The following ADAMTSL1 variants were observed in gnomAD, a reference collection of about 807,000 sequenced individuals.
The protein encoded by ADAMTSL1 is ADAMTS like 1.
In ADAMTSL1, 126 loss-of-function variants were observed where a neutral mutation model predicts 201.8. That is an observed-to-expected ratio of 0.62 (90% CI 0.54 to 0.72). The LOEUF (loss-of-function observed/expected upper bound fraction) is 0.72, where lower values mean the gene tolerates loss of function less well. Among genes scored for constraint, ADAMTSL1 ranks in the 30% least tolerant of loss-of-function variants. The pLI is 0.00. For missense variants in ADAMTSL1, 2,679 were observed against 2,277.8 expected (o/e 1.18, Z -3.59); for synonymous variants, 1,121 against 903.4 (o/e 1.24, Z -4.32).
chr9:18,007,542 A>G (rs1025526524), intron 1 of ADAMTSL1, among the ~76,000 whole-genome samples: 3 of 151,972 alleles, frequency 2.0e-5, no homozygotes, highest in Non-Finnish European at 4.4e-5. Context: ...TATCCAGTAT[A>G]ATTTGCCGCT....
intron 1 of ADAMTSL1, among the ~76,000 whole-genome samples, chr9:18,039,553 A>C (rs906633446): frequency 5.3e-5 from 8 of 152,184 alleles, no homozygotes; most frequent in Non-Finnish European, 1.2e-4. Context: ...CTACGGAACA[A>C]ACATTTTTCA....
At chr9:18,254,404 C>T (rs536543134) in intron 2 of ADAMTSL1, among the ~76,000 whole-genome samples, 196 of 122,346 alleles carry the variant, frequency 1.6e-3, no homozygotes, top group Non-Finnish European at 2.3e-3. Context: ...GCTCTGTCCC[C>T]CAGGCTGGAG....
At chr9:17,967,577 T>A (rs1438519639) in intron 1 of ADAMTSL1, among the ~76,000 whole-genome samples, 1 of 152,040 alleles carries the variant, frequency 6.6e-6, no homozygotes, top group African/African-American at 2.4e-5. Context: ...AAAAAGAGGC[T>A]TAGGAAGATT....
At chr9:17,915,650 G>A (rs891582047) in intron 1 of ADAMTSL1, among the ~76,000 whole-genome samples, 1 of 152,140 alleles carries the variant, frequency 6.6e-6, no homozygotes, top group African/African-American at 2.4e-5. Flanking sequence ...TTTTCAAAAG[G>A]TTGTACCCTT....
chr9:18,117,652 T>G (rs1825313135), intron 1 of ADAMTSL1, among the ~76,000 whole-genome samples: 1 of 152,152 alleles, frequency 6.6e-6, no homozygotes, highest in Admixed American at 6.5e-5. Context: ...ACTTAATTAT[T>G]TATTACATTT....
intron 2 of ADAMTSL1, among the ~76,000 whole-genome samples, chr9:18,452,060 A>G (rs918730947): frequency 6.6e-6 from 1 of 152,064 alleles, no homozygotes; most frequent in Non-Finnish European, 1.5e-5. Context: ...ATTACAGGCA[A>G]GTGCCACCAC....
intron 2 of ADAMTSL1, among the ~76,000 whole-genome samples, chr9:18,308,015 A>C (rs1411733927): frequency 1.3e-5 from 2 of 152,182 alleles, no homozygotes; most frequent in Non-Finnish European, 2.9e-5. Context: ...AGTGTAATCA[A>C]ACTAGAACTC....
chr9:18,431,637 T>C (rs1233208364), intron 2 of ADAMTSL1, among the ~76,000 whole-genome samples: 1 of 152,164 alleles, frequency 6.6e-6, no homozygotes, highest in Non-Finnish European at 1.5e-5. Flanking sequence ...CAGCCTCTGC[T>C]TGAACATTTC....
chr9:18,547,834 C>A (rs1273071902), intron 3 of ADAMTSL1, among the ~76,000 whole-genome samples: 1 of 151,746 alleles, frequency 6.6e-6, no homozygotes, highest in African/African-American at 2.4e-5. Flanking sequence ...AGTACAGTAT[C>A]TGATTCTGGA....
chr9:18,423,667 A>G (rs771093292), intron 2 of ADAMTSL1, among the ~76,000 whole-genome samples: 16 of 152,206 alleles, frequency 1.1e-4, no homozygotes, highest in Non-Finnish European at 1.9e-4. Context: ...TGTGAGAAGT[A>G]TAGGAGCACG....
intron 2 of ADAMTSL1, among the ~76,000 whole-genome samples, chr9:18,299,108 A>G (rs1034963608): frequency 2.6e-5 from 4 of 152,142 alleles, no homozygotes; most frequent in South Asian, 2.1e-4. Flanking sequence ...GCTGTGTGAC[A>G]TAAGTACCGT....
At chr9:18,304,136 C>T (rs1297683705) in intron 2 of ADAMTSL1, among the ~76,000 whole-genome samples, 3 of 152,118 alleles carry the variant, frequency 2.0e-5, no homozygotes, top group Non-Finnish European at 4.4e-5. Context: ...TGTTATAAAA[C>T]AGTGGCTTTC....
At chr9:18,080,005 G>A (rs898040649) in intron 1 of ADAMTSL1, among the ~76,000 whole-genome samples, 5 of 152,160 alleles carry the variant, frequency 3.3e-5, no homozygotes, top group Non-Finnish European at 5.9e-5. Flanking sequence ...GAACAAAGAG[G>A]AAATGGTGGT....
chr9:18,240,882 C>T (rs1028612056), intron 2 of ADAMTSL1, among the ~76,000 whole-genome samples: 2 of 152,170 alleles, frequency 1.3e-5, no homozygotes, highest in African/African-American at 4.8e-5. Flanking sequence ...CCTTAAACCT[C>T]ATGAACCAAC....
chr9:18,516,654 G>T (rs1818380540), intron 2 of ADAMTSL1, among the ~76,000 whole-genome samples: 1 of 152,132 alleles, frequency 6.6e-6, no homozygotes, highest in African/African-American at 2.4e-5. Flanking sequence ...GTATGACATT[G>T]GACTAGATTT....
chr9:18,566,228 G>T (rs76962160), intron 3 of ADAMTSL1, among the ~76,000 whole-genome samples: 1,888 of 152,230 alleles, frequency 0.012, 16 homozygotes, highest in Non-Finnish European at 0.022. Flanking sequence ...TATGAAAGCA[G>T]CACTGGAGTT....
At chr9:18,466,269 G>A (rs919024996) in intron 2 of ADAMTSL1, among the ~76,000 whole-genome samples, 12 of 152,082 alleles carry the variant, frequency 7.9e-5, no homozygotes, top group South Asian at 4.1e-4. Flanking sequence ...TCAGTTGCAC[G>A]TCATATTTTT....
chr9:18,544,101 G>A (rs1820331880), intron 3 of ADAMTSL1, among the ~76,000 whole-genome samples: 2 of 152,118 alleles, frequency 1.3e-5, no homozygotes, highest in African/African-American at 4.8e-5. Context: ...ACTTCTCGTA[G>A]CCTCAGTTTC....
chr9:18,257,612 A>G (rs973461177), intron 2 of ADAMTSL1, among the ~76,000 whole-genome samples: 3 of 152,200 alleles, frequency 2.0e-5, no homozygotes, highest in African/African-American at 7.2e-5. Context: ...CCTATGAAAA[A>G]CAGTTGAGCA....
Sources: allele counts gnomAD v4.1 joint callset (sites outside exome capture counted in the v4.1 genomes callset), GRCh38; gene constraint gnomAD v4.1.1; transcripts MANE v1.5; gene names NCBI Gene and HGNC (gene_info 2026-07-23, HGNC 2026-07-21).